The following MAP3K7CL variants were observed in gnomAD, a reference collection of about 807,000 sequenced individuals.
MAP3K7CL encodes MAP3K7 C-terminal like.
A neutral mutation model predicts 18.6 loss-of-function variants in MAP3K7CL; 16 were observed. The observed-to-expected ratio is 0.86, with a 90% CI of 0.58 to 1.31. The LOEUF is 1.31. Ranked by LOEUF, MAP3K7CL falls within the 50% of genes most tolerant of loss-of-function variation. MAP3K7CL has a pLI of 0.00. For synonymous variants in MAP3K7CL, 65 were observed against 66.8 expected (o/e 0.97, Z 0.13); for missense variants, 163 against 174.4 (o/e 0.93, Z 0.37).
intron 4 of MAP3K7CL, among the ~76,000 whole-genome samples, chr21:29,171,513 A>G (rs576958251): frequency 3.3e-5 from 5 of 152,178 alleles, no homozygotes; most frequent in Non-Finnish European, 7.3e-5. Flanking sequence ...AAAAATTGCA[A>G]AAGTAGTATA....
chr21:29,174,617 T>C (rs2087921282), intron 4 of MAP3K7CL, 95 bp from the exon 5 acceptor site: 5 of 1,436,406 alleles, frequency 3.5e-6, no homozygotes, highest in Non-Finnish European at 4.7e-6. Context: ...AACAGCAGAA[T>C]GAATCATTCT....
chr21:29,095,392 T>C (rs1601140329), intron 4 of MAP3K7CL, among the ~76,000 whole-genome samples: 1 of 152,298 alleles, frequency 6.6e-6, no homozygotes, highest in East Asian at 1.9e-4. Context: ...TTCTTGCCTG[T>C]TCTGCATGTC....
At chr21:29,152,212 A>T (rs2087292527) in intron 3 of MAP3K7CL, among the ~76,000 whole-genome samples, 1 of 152,256 alleles carries the variant, frequency 6.6e-6, no homozygotes, top group Admixed American at 6.5e-5. Flanking sequence ...GGCGTGAGTG[A>T]CTAAACAGCA....
At chr21:29,125,078 AC>A (rs1423286217) in intron 4 of MAP3K7CL, among the ~76,000 whole-genome samples, 1 of 152,160 alleles carries the variant, frequency 6.6e-6, no homozygotes, top group African/African-American at 2.4e-5. Context: ...GAATCTAGGT[AC>A]CCTTTGGATG....
At chr21:29,156,331 T>C (rs1191827035) in intron 3 of MAP3K7CL, among the ~76,000 whole-genome samples, 1 of 152,252 alleles carries the variant, frequency 6.6e-6, no homozygotes, top group Admixed American at 6.5e-5. Context: ...TTTTCTCATC[T>C]AGTTACCCAC....
chr21:29,122,629 C>G (rs1252611166), intron 4 of MAP3K7CL, among the ~76,000 whole-genome samples: 2 of 152,224 alleles, frequency 1.3e-5, no homozygotes, highest in Non-Finnish European at 1.5e-5. Flanking sequence ...TTAAGTTAAG[C>G]TGCTTCTCAC....
At chr21:29,100,859 C>G (rs1056662063) in intron 4 of MAP3K7CL, among the ~76,000 whole-genome samples, 17 of 151,626 alleles carry the variant, frequency 1.1e-4, no homozygotes, top group Non-Finnish European at 1.9e-4. Context: ...ACTACAGGTG[C>G]CCGCCACCAC....
At chr21:29,100,700 CTTTTTTTT>C (rs34749282) in intron 4 of MAP3K7CL, among the ~76,000 whole-genome samples, 3 of 68,648 alleles carry the variant, frequency 4.4e-5, no homozygotes, top group African/African-American at 6.5e-5. Flanking sequence ...AAACAGCAAA[CTTTTTTTT>C]TTTTTTTTTT....
At chr21:29,133,721 T>C (rs1487327168) in intron 2 of MAP3K7CL, among the ~76,000 whole-genome samples, 1 of 152,232 alleles carries the variant, frequency 6.6e-6, no homozygotes, top group African/African-American at 2.4e-5. Flanking sequence ...AAGTGTGTTA[T>C]TGTTAAAACT....
intron 1 of MAP3K7CL, among the ~76,000 whole-genome samples, chr21:29,079,453 C>T (rs1199978688): frequency 6.6e-6 from 1 of 152,216 alleles, no homozygotes; most frequent in Admixed American, 6.5e-5. Context: ...TCTCAGCTTC[C>T]CCATACTGTC....
upstream of MAP3K7CL, among the ~76,000 whole-genome samples, chr21:29,081,317 A>C (rs1226125042): frequency 1.3e-5 from 2 of 152,234 alleles, no homozygotes; most frequent in African/African-American, 4.8e-5. Flanking sequence ...TGGGAGGCCA[A>C]GGCAGGTGGA....
Position 29,149,242 on chromosome 21 carries a change from C to A in MAP3K7CL, c.124C>A (p.Gln42Lys), listed in dbSNP as rs1302205172. 2 of 1,613,464 alleles carry A rather than the reference C, an allele frequency of 1.2e-6. No homozygotes were observed. Among genetic ancestry groups the A allele is most frequent in the Admixed American group, 3.3e-5 (2 of 60,000 alleles). Reference sequence around the variant, plus strand: ...TTTGGTCTTTCCAGAATTAGACCAGCAGCTACAGGTAAGGATTTTTCTAAA... The same window carrying A: ...TTTGGTCTTTCCAGAATTAGACCAGAAGCTACAGGTAAGGATTTTTCTAAA... ...IPLVFPELDQ[Q>K]LQPLPPCHDS... Residue 42 changes from glutamine to lysine, a missense_variant, in exon 3 of 5, where the codon CAG becomes AAG. Coordinates refer to ENST00000399928, the MANE Select transcript of MAP3K7CL (RefSeq NM_001286620.2).
At chr21:29,081,987 T>C (rs895041778), upstream of MAP3K7CL, among the ~76,000 whole-genome samples, 12 of 152,234 alleles carry the variant, frequency 7.9e-5, no homozygotes, top group African/African-American at 2.9e-4. Context: ...AGAATTTGCA[T>C]CTTAACACCA....
chr21:29,130,379 A>C (rs2086756543), upstream of MAP3K7CL: 1 of 154,338 alleles, frequency 6.5e-6, no homozygotes, highest in Non-Finnish European at 1.4e-5. Flanking sequence ...GGCCTGTCCA[A>C]GTTGGCTGGG....
chr21:29,082,569 C>T (rs2085853221), upstream of MAP3K7CL, among the ~76,000 whole-genome samples: 3 of 152,104 alleles, frequency 2.0e-5, no homozygotes, highest in South Asian at 6.2e-4. Context: ...TGGGCTTGCT[C>T]TCATGAAAGT....
intron 4 of MAP3K7CL, among the ~76,000 whole-genome samples, chr21:29,110,481 C>T (rs1601170875): frequency 6.6e-6 from 1 of 152,096 alleles, no homozygotes; most frequent in East Asian, 1.9e-4. Context: ...ACTGCAACCT[C>T]CACCTCCCCA....
intron 2 of MAP3K7CL, among the ~76,000 whole-genome samples, chr21:29,148,512 C>G (rs1214601487): frequency 6.6e-6 from 1 of 152,210 alleles, no homozygotes; most frequent in South Asian, 2.1e-4. Context: ...CCAGCAACAG[C>G]TGCCTATTGC....
At chr21:29,109,413 G>A in intron 4 of MAP3K7CL, 2 of 1,316,060 alleles carry the variant, frequency 1.5e-6, no homozygotes, top group African/African-American at 1.5e-5. Context: ...GCTCAGCCAG[G>A]AGGTGTTAAG....
chr21:29,164,174 G>A (rs1424654397), intron 4 of MAP3K7CL, among the ~76,000 whole-genome samples: 1 of 151,702 alleles, frequency 6.6e-6, no homozygotes, highest in Non-Finnish European at 1.5e-5. Flanking sequence ...ATAAATACAT[G>A]AGCTTGGTTT....
Sources: gnomAD v4.1 joint callset for allele counts (sites outside exome capture counted in the v4.1 genomes callset) on GRCh38, gnomAD v4.1.1 for gene constraint, MANE v1.5 for transcripts, NCBI Gene and HGNC (gene_info 2026-07-23, HGNC 2026-07-21) for gene names.